Variants in NBEA observed in about 807,000 individuals in gnomAD.
NBEA encodes neurobeachin.
NBEA carries 44 observed loss-of-function variants against 343.4 expected under a neutral mutation model. The observed-to-expected ratio is 0.13, with a 90% confidence interval of 0.10 to 0.16. The LOEUF is 0.16. Ranked by LOEUF, NBEA falls within the 10% of genes least tolerant of loss-of-function variation. The pLI, the probability that NBEA is intolerant of heterozygous loss-of-function variation, is 1.00. For synonymous variants in NBEA, 1,175 were observed against 1,238.7 expected, an observed-to-expected ratio of 0.95 and a Z score of 1.08; for missense variants, 2,555 against 3,631.3, an observed-to-expected ratio of 0.70 and a Z score of 7.62.
At chr13:35,461,005 T>C (rs2046874314) in intron 40 of NBEA, among the ~76,000 whole-genome samples, 1 of 152,116 alleles carries the variant, frequency 6.6e-6, no homozygotes, top group Non-Finnish European at 1.5e-5. Flanking sequence ...TTTCTTCTTA[T>C]AAAGTCACCA....
intron 45 of NBEA, among the ~76,000 whole-genome samples, chr13:35,574,391 A>AAAAG (rs1555306396): frequency 1.1e-4 from 13 of 115,656 alleles, no homozygotes; most frequent in African/African-American, 5.0e-4. Context: ...AAAAAAAAAG[A>AAAAG]AAAACAAAAG....
intron 46 of NBEA, 120 bp downstream of exon 46, chr13:35,584,158 A>C (rs1876605433): frequency 9.4e-7 from 1 of 1,062,526 alleles, no homozygotes; most frequent in Non-Finnish European, 1.4e-6. Flanking sequence ...AGTGAAGTAG[A>C]AATTAAAGAT....
At chr13:35,130,288 C>G (rs2067345798) in intron 17 of NBEA, among the ~76,000 whole-genome samples, 1 of 151,876 alleles carries the variant, frequency 6.6e-6, no homozygotes, top group African/African-American at 2.4e-5. Flanking sequence ...ATAAAGTGTT[C>G]ACTTGTATGG....
At chr13:35,251,261 C>A in intron 34 of NBEA, 1 of 385,672 alleles carries the variant, frequency 2.6e-6, no homozygotes, top group Non-Finnish European at 3.8e-6. Flanking sequence ...ATGCAGTATG[C>A]CAGTCGTCGC....
At chr13:34,958,299 A>C (rs1200583525) in intron 1 of NBEA, among the ~76,000 whole-genome samples, 1 of 152,040 alleles carries the variant, frequency 6.6e-6, no homozygotes, top group African/African-American at 2.4e-5. Flanking sequence ...ATTTTACATG[A>C]TTTTATGAAC....
intron 18 of NBEA, among the ~76,000 whole-genome samples, chr13:35,143,687 T>C (rs1324492648): frequency 6.6e-6 from 1 of 151,916 alleles, no homozygotes; most frequent in African/African-American, 2.4e-5. Flanking sequence ...ATGAGAGACA[T>C]TGAGAAAGGG....
chr13:35,096,224 G>T (rs1329698779), intron 10 of NBEA, among the ~76,000 whole-genome samples: 2 of 148,890 alleles, frequency 1.3e-5, no homozygotes, highest in African/African-American at 4.9e-5. Context: ...GCAAAGATGT[G>T]GTATTGCTAT....
chr13:35,169,269 T>C (rs1365302454), intron 25 of NBEA, among the ~76,000 whole-genome samples: 1 of 151,568 alleles, frequency 6.6e-6, no homozygotes, highest in Non-Finnish European at 1.5e-5. Flanking sequence ...TAATTGGTTC[T>C]AAGGAAAGTA....
intron 10 of NBEA, among the ~76,000 whole-genome samples, chr13:35,076,077 T>C (rs2082414033): frequency 6.6e-6 from 1 of 151,968 alleles, no homozygotes; most frequent in African/African-American, 2.4e-5. Context: ...GCTTATCTTA[T>C]GGAGGTGGTG....
chr13:35,436,742 T>A (rs2045466236), intron 39 of NBEA, among the ~76,000 whole-genome samples: 1 of 151,564 alleles, frequency 6.6e-6, no homozygotes, highest in Non-Finnish European at 1.5e-5. Context: ...CTTTGAAAGT[T>A]AAGTGCTAAC....
Position 35,218,713 on chromosome 13 carries a change from T to C in NBEA, c.5648+7534T>C, listed in dbSNP as rs181327604. Among the ~76,000 whole-genome samples the C allele has an allele frequency of 1.0e-3, 154 of 152,110 alleles. 1 individual carries two copies. Among genetic ancestry groups the C allele is most frequent in the African/African-American group, 3.0e-3 (126 of 41,556 alleles). On this transcript the variant is annotated intron_variant, in intron 33 of 58. Transcript: ENST00000379939. ...AACAAAAACTTGCTATCATGACGTATGTTGAAGTTTATCTTATGCTTTTTA... is the reference window on the plus strand; with the variant it reads ...AACAAAAACTTGCTATCATGACGTACGTTGAAGTTTATCTTATGCTTTTTA...
intron 47 of NBEA, among the ~76,000 whole-genome samples, chr13:35,601,519 T>C (rs1278280382): frequency 1.3e-5 from 2 of 151,878 alleles, no homozygotes; most frequent in Non-Finnish European, 2.9e-5. Flanking sequence ...ATCCCAGCCC[T>C]TTGGGAGGCT....
At chr13:35,190,796 C>G (rs1170730965) in intron 30 of NBEA, among the ~76,000 whole-genome samples, 1 of 151,972 alleles carries the variant, frequency 6.6e-6, no homozygotes, top group African/African-American at 2.4e-5. Context: ...ATAAAATGCC[C>G]CTGAGGAAGC....
At chr13:35,636,379 T>A (rs925744676) in intron 49 of NBEA, among the ~76,000 whole-genome samples, 2 of 152,224 alleles carry the variant, frequency 1.3e-5, no homozygotes, top group Non-Finnish European at 2.9e-5. Context: ...AATATTTTGT[T>A]CTGCTGAATA....
intron 48 of NBEA, 105 bp downstream of exon 48, chr13:35,606,683 C>A: frequency 3.4e-6 from 3 of 870,994 alleles, no homozygotes; most frequent in African/African-American, 1.7e-5. Context: ...TTATACTTAA[C>A]ATCTATAAAT....
At chr13:35,322,826 A>C (rs2038258249) in intron 36 of NBEA, among the ~76,000 whole-genome samples, 2 of 152,240 alleles carry the variant, frequency 1.3e-5, no homozygotes, top group East Asian at 3.9e-4. Context: ...ATATTTCAAA[A>C]TTTGTGATCA....
intron 41 of NBEA, among the ~76,000 whole-genome samples, chr13:35,513,330 T>A (rs866186892): frequency 7.4e-6 from 1 of 135,082 alleles, no homozygotes; most frequent in Non-Finnish European, 1.6e-5. Flanking sequence ...TTTTTTTTTT[T>A]AGTAGAGATG....
At chr13:35,536,636 AATAG>A (rs748680331) in intron 41 of NBEA, among the ~76,000 whole-genome samples, 1 of 138,156 alleles carries the variant, frequency 7.2e-6, no homozygotes, top group African/African-American at 2.8e-5. Flanking sequence ...CTTCGTAAAA[AATAG>A]ATAGATGATA....
chr13:34,992,323 C>T (rs1268509130), intron 1 of NBEA, among the ~76,000 whole-genome samples: 2 of 147,918 alleles, frequency 1.4e-5, no homozygotes, highest in South Asian at 2.1e-4. Flanking sequence ...GGCATGATCT[C>T]GGCTCATTGA....
Sources: allele counts gnomAD v4.1 joint callset (sites outside exome capture counted in the v4.1 genomes callset), GRCh38; gene constraint gnomAD v4.1.1; transcripts MANE v1.5; gene names NCBI Gene and HGNC (gene_info 2026-07-23, HGNC 2026-07-21).